The following GTSE1 variants were observed in gnomAD, a reference collection of about 807,000 sequenced individuals.
The protein encoded by GTSE1 is G2 and S-phase expressed 1, also known as G2 and S phase-expressed protein 1.
In GTSE1, 52 loss-of-function variants were observed where a neutral mutation model predicts 60.5. The observed-to-expected ratio is 0.86, with a 90% CI of 0.69 to 1.08. The LOEUF (loss-of-function observed/expected upper bound fraction) is 1.08, where lower values mean the gene tolerates loss of function less well. GTSE1 is among the 50% of genes least tolerant of loss of function. The pLI, the probability that GTSE1 is intolerant of heterozygous loss-of-function variation, is 0.00. For synonymous variants in GTSE1, 368 were observed against 386.5 expected, an observed-to-expected ratio of 0.95 and a Z score of 0.56; for missense variants, 937 against 961.8, an observed-to-expected ratio of 0.97 and a Z score of 0.34.
intron 2 of GTSE1, among the ~76,000 whole-genome samples, chr22:46,306,046 T>G (rs981234097): frequency 2.0e-5 from 3 of 152,212 alleles, no homozygotes; most frequent in African/African-American, 7.2e-5. Context: ...TTCTCTTTTC[T>G]TTCTTTTGTG....
chr22:46,300,427 T>G lies in GTSE1; in HGVS notation c.79+2948T>G, dbSNP rs139198135. On this transcript the variant is annotated intron_variant, in intron 2 of 11. Transcript: ENST00000454366. ...TCTTTTCTTAAAGCCCGGTAATAGT[T>G]TCCTATCCCACTTTGGAGAAAATAA... Among the ~76,000 whole-genome samples, 275 of 152,264 alleles carry G rather than the reference T, an allele frequency of 1.8e-3. 1 individual carries two copies. The highest frequency in any genetic ancestry group is 6.1e-3 in the African/African-American group (253 of 41,564).
In GTSE1 at chr22:46,324,889, A is replaced by C. The variant is rs75718201; in HGVS notation, c.1506-1547A>C. ...TTTCAGGCTCCTTTTGAAGAACGTAACAATTGCCCAGAATAGAGCAATAGA... is the reference window on the plus strand; with the variant it reads ...TTTCAGGCTCCTTTTGAAGAACGTACCAATTGCCCAGAATAGAGCAATAGA... On this transcript the variant is annotated intron_variant, in intron 8 of 11. Coordinates refer to ENST00000454366, the MANE Select transcript of GTSE1 (RefSeq NM_016426.7). The surrounding 1 kb of genome is among the most constrained non-coding windows in gnomAD (Gnocchi z 5.2). Among the ~76,000 whole-genome samples the C allele has an allele frequency of 0.023, 3,532 of 152,240 alleles. 142 individuals carry two copies. Among genetic ancestry groups the C allele is most frequent in the African/African-American group, 0.078 (3,252 of 41,518 alleles).
Position 46,308,855 on chromosome 22 carries a change from C to T in GTSE1, c.674C>T (p.Ala225Val), listed in dbSNP as rs1180430256. Residue 225 changes from alanine (A) to valine (V), a missense_variant, in exon 4 of 12, where the codon GCA (alanine) becomes GTA (valine). Physicochemically the swap from Ala to Val is moderately conservative, Grantham distance 64. Coordinates refer to ENST00000454366, the MANE Select transcript of GTSE1 (RefSeq NM_016426.7). ...TGCACTGCTCATGCTGCAAGTCAGGCAGCGACTCAGAGGAAGCCCGGGACC... is the reference window on the plus strand; with the variant it reads ...TGCACTGCTCATGCTGCAAGTCAGGTAGCGACTCAGAGGAAGCCCGGGACC... Reference protein sequence around the residue: ...ESCTAHAASQAATQRKPGTKL... With the variant: ...ESCTAHAASQVATQRKPGTKL... The T allele has an allele frequency of 6.2e-7, 1 of 1,613,296 alleles. No homozygotes were observed. Among genetic ancestry groups the T allele is most frequent in the Non-Finnish European group, 8.5e-7 (1 of 1,180,038 alleles).
At position 46,324,188 on chromosome 22, in the gene GTSE1, A is replaced by G. The variant is rs1297486959; in HGVS notation, c.1505+926A>G. On this transcript the variant is annotated intron_variant, in intron 8 of 11. Coordinates refer to ENST00000454366, the MANE Select transcript of GTSE1 (RefSeq NM_016426.7). This position sits in a 1 kb window ranked among gnomAD's most constrained non-coding sequence, Gnocchi z 5.2. ...GAGACACGCTTCGCGAGGTCGAACTAGCCAGTCCCTCACGTGCTGCGCATG... is the reference window on the plus strand; with the variant it reads ...GAGACACGCTTCGCGAGGTCGAACTGGCCAGTCCCTCACGTGCTGCGCATG... Among the ~76,000 whole-genome samples, 1 of 152,086 alleles carries G rather than the reference A, an allele frequency of 6.6e-6. No homozygotes were observed. The highest frequency in any genetic ancestry group is 2.4e-5 in the African/African-American group (1 of 41,398).
At chr22:46,299,993 TG>T (rs1445509659) in intron 2 of GTSE1, among the ~76,000 whole-genome samples, 1 of 133,382 alleles carries the variant, frequency 7.5e-6, no homozygotes, top group Non-Finnish European at 1.6e-5. Flanking sequence ...TTAGTAGAGA[TG>T]GGGTTTCACT....
rs1470175825 is a variant in GTSE1, at chr22:46,318,409, A to G, written c.1432+1997A>G. 6.6e-6 allele frequency among the ~76,000 whole-genome samples: 1 copy of G among 152,178 alleles called. No homozygotes were observed. Among genetic ancestry groups the G allele is most frequent in the African/African-American group, 2.4e-5 (1 of 41,448 alleles). The stretch of plus-strand genomic sequence containing the variant: ...CTGTGCTGGAATGCTTTGGGGGACA[A>G]GGGACATCATGATAAGACAGACCTA... On this transcript the variant is annotated intron_variant, in intron 7 of 11. Coordinates refer to ENST00000454366, the MANE Select transcript of GTSE1 (RefSeq NM_016426.7). The surrounding 1 kb of genome is among the most constrained non-coding windows in gnomAD (Gnocchi z 4.8).
Position 46,316,400 on chromosome 22 carries a change from A to G in GTSE1, c.1420A>G (p.Lys474Glu). The change falls in exon 7 of 12, where the codon AAG (lysine) becomes GAG (glutamate). Residue 474 changes from lysine to glutamate, a missense_variant. Coordinates refer to ENST00000454366, the MANE Select transcript of GTSE1 (RefSeq NM_016426.7). The surrounding 1 kb of genome is among the most constrained non-coding windows in gnomAD (Gnocchi z 5.0). ...TCCTACAAATCAATTTAAAATTCCTAAGTTTTCTATTGGTGAGTAATAGAT... is the reference window on the plus strand; with the variant it reads ...TCCTACAAATCAATTTAAAATTCCTGAGTTTTCTATTGGTGAGTAATAGAT... ...PTPTNQFKIP[K>E]FSIGDSPDSS... 6.4e-7 allele frequency: 1 copy of G among 1,565,396 alleles called. No homozygotes were observed. The highest frequency in any genetic ancestry group is 8.7e-7 in the Non-Finnish European group (1 of 1,143,820).
Position 46,310,496 on chromosome 22 carries a change from A to G in GTSE1, c.762+1553A>G, listed in dbSNP as rs2077742131. ...ACCTGAGAGAATTGAAACCATATCC[A>G]CAGAAAAATCCACATGCAGATGTTC... On this transcript the variant is annotated intron_variant, in intron 4 of 11. Coordinates refer to ENST00000454366, the MANE Select transcript of GTSE1 (RefSeq NM_016426.7). The surrounding 1 kb of genome is among the most constrained non-coding windows in gnomAD (Gnocchi z 4.4). 1.3e-5 allele frequency among the ~76,000 whole-genome samples: 2 copies of G among 152,218 alleles called. No homozygotes were observed. Among genetic ancestry groups the G allele is most frequent in the African/African-American group, 2.4e-5 (1 of 41,446 alleles).
At chr22:46,303,214 A>G (rs186085002) in intron 2 of GTSE1, among the ~76,000 whole-genome samples, 1 of 151,898 alleles carries the variant, frequency 6.6e-6, no homozygotes, top group Non-Finnish European at 1.5e-5. Context: ...TTCCCTCTTT[A>G]TTTGATATGT....
chr22:46,297,317 G>A lies in GTSE1; in HGVS notation c.-21-63G>A, dbSNP rs2147808671. The A allele has an allele frequency of 1.0e-6, 1 of 977,588 alleles. No homozygotes were observed. The highest frequency in any genetic ancestry group is 1.6e-6 in the Non-Finnish European group (1 of 606,488). The allele number at this position is 977,588 out of a possible 1,614,324, so 60.6% of individuals were successfully genotyped here. A position where few individuals can be genotyped will look rare whatever the true frequency, so the allele number is the denominator to read the frequency against. On this transcript the variant is annotated intron_variant, in intron 1 of 11. Coordinates refer to ENST00000454366, the MANE Select transcript of GTSE1 (RefSeq NM_016426.7). This position sits in a 1 kb window ranked among gnomAD's most constrained non-coding sequence, Gnocchi z 4.9. ...TCTCTGCCTCTGTGAGCCGAGGGCTGAAGGAAGCCGGAGCCCTGGGCCCTG... is the reference window on the plus strand; with the variant it reads ...TCTCTGCCTCTGTGAGCCGAGGGCTAAAGGAAGCCGGAGCCCTGGGCCCTG...
chr22:46,300,445 G>A (rs1471630612), intron 2 of GTSE1, among the ~76,000 whole-genome samples: 1 of 152,134 alleles, frequency 6.6e-6, no homozygotes, highest in Non-Finnish European at 1.5e-5. Flanking sequence ...CCACTTTGGA[G>A]AAAATAAAAG....
At chr22:46,326,260 G>A (rs765003259) in intron 8 of GTSE1, among the ~76,000 whole-genome samples, 176 bp from the exon 9 acceptor site, 5 of 152,302 alleles carry the variant, frequency 3.3e-5, no homozygotes, top group East Asian at 1.9e-4. Flanking sequence ...GTAGCAGCTC[G>A]GAGCCTTGCC....
In GTSE1 at chr22:46,317,168, T is replaced by C. The variant is rs552800451; in HGVS notation, c.1432+756T>C. Among the ~76,000 whole-genome samples the C allele has an allele frequency of 4.2e-4, 64 of 152,142 alleles. No individual in the cohort carries two copies. The highest frequency in any genetic ancestry group is 7.8e-4 in the Non-Finnish European group (53 of 68,036). Reference sequence around the variant, plus strand: ...TTTTGGTAGAGACGGGGTTTCGCCATGTTGGCCAGGCTGGTCTGGAACTCC... The same window carrying C: ...TTTTGGTAGAGACGGGGTTTCGCCACGTTGGCCAGGCTGGTCTGGAACTCC... On this transcript the variant is annotated intron_variant, in intron 7 of 11. Coordinates refer to ENST00000454366, the MANE Select transcript of GTSE1 (RefSeq NM_016426.7). This position sits in a 1 kb window ranked among gnomAD's most constrained non-coding sequence, Gnocchi z 5.6.
At chr22:46,306,559 C>T (rs1017719654) in intron 2 of GTSE1, among the ~76,000 whole-genome samples, 2 of 152,136 alleles carry the variant, frequency 1.3e-5, no homozygotes, top group African/African-American at 4.8e-5. Flanking sequence ...TGGTTCATTG[C>T]AACATCTACC....
intron 2 of GTSE1, among the ~76,000 whole-genome samples, chr22:46,299,899 TCTC>T (rs1221374617): frequency 2.6e-5 from 4 of 150,996 alleles, no homozygotes; most frequent in South Asian, 4.2e-4. Context: ...TTCAAGCAAT[TCTC>T]CTGCCTCAGC....
Position 46,318,200 on chromosome 22 carries a change from A to G in GTSE1, c.1432+1788A>G, listed in dbSNP as rs568380088. On this transcript the variant is annotated intron_variant, in intron 7 of 11. Coordinates refer to ENST00000454366, the MANE Select transcript of GTSE1 (RefSeq NM_016426.7). This position sits in a 1 kb window ranked among gnomAD's most constrained non-coding sequence, Gnocchi z 4.8. Reference sequence around the variant, plus strand: ...CTTGAACAATTGTGTGCAATGCAGAAAGTTCTCAGAGCTGACTTAAGGTGA... The same window carrying G: ...CTTGAACAATTGTGTGCAATGCAGAGAGTTCTCAGAGCTGACTTAAGGTGA... Among the ~76,000 whole-genome samples the G allele has an allele frequency of 3.3e-5, 5 of 152,302 alleles. No homozygotes were observed. The highest frequency in any genetic ancestry group is 1.2e-4 in the African/African-American group (5 of 41,568).
intron 8 of GTSE1, among the ~76,000 whole-genome samples, chr22:46,323,750 C>T (rs1490291072): frequency 2.0e-5 from 3 of 152,104 alleles, no homozygotes; most frequent in Admixed American, 6.5e-5. Flanking sequence ...TGCAGTGGCA[C>T]GATCTCGGCT....
chr22:46,313,945 G>A lies in GTSE1; in HGVS notation c.983G>A (p.Arg328Lys). ...CCCGGCTCTACCAGCAATCTCGCAA[G>A]GAAGTCCTCCTCGGGGCCTGTTTGG... ...KAPGSTSNLA[R>K]KSSSGPVWSG... The change falls in exon 6 of 12, where the codon AGG (arginine) becomes AAG (lysine). Residue 328 changes from arginine to lysine, a missense_variant. Physicochemically the swap from Arg to Lys is conservative, Grantham distance 26 (BLOSUM62 2). Coordinates refer to ENST00000454366, the MANE Select transcript of GTSE1 (RefSeq NM_016426.7). This position sits in a 1 kb window ranked among gnomAD's most constrained non-coding sequence, Gnocchi z 4.4. 6.2e-7 allele frequency: 1 copy of A among 1,614,236 alleles called. No homozygotes were observed. The highest frequency in any genetic ancestry group is 8.5e-7 in the Non-Finnish European group (1 of 1,180,020).
In GTSE1 at chr22:46,309,687, A is replaced by G. The variant is rs12165597; in HGVS notation, c.762+744A>G. On this transcript the variant is annotated intron_variant, in intron 4 of 11. Coordinates refer to ENST00000454366, the MANE Select transcript of GTSE1 (RefSeq NM_016426.7). This position sits in a 1 kb window ranked among gnomAD's most constrained non-coding sequence, Gnocchi z 6.2. ...CCACCAAGCCCATCTCCTGAGCCAC[A>G]TGACTCCCTGTGGTGAGAGCCAAGG... Among the ~76,000 whole-genome samples the G allele has an allele frequency of 0.15, 22,417 of 152,166 alleles. 2,227 individuals are homozygous for G. The highest frequency in any genetic ancestry group is 0.28 in the African/African-American group (11,630 of 41,478).
Sources: allele counts gnomAD v4.1 joint callset (sites outside exome capture counted in the v4.1 genomes callset), GRCh38; gene constraint gnomAD v4.1.1; non-coding constraint Gnocchi (gnomAD v3.1); transcripts MANE v1.5; gene names NCBI Gene and HGNC (gene_info 2026-07-23, HGNC 2026-07-21).